Variants in SSBP2 observed in about 807,000 individuals in gnomAD.
SSBP2 encodes the protein single-stranded DNA-binding protein 2.
A neutral mutation model predicts 61.8 loss-of-function variants in SSBP2; 17 were observed. That is an observed-to-expected ratio of 0.28 (90% confidence interval 0.19 to 0.41). The LOEUF is 0.41. SSBP2 is among the 10% of genes least tolerant of loss of function. The pLI, the probability that SSBP2 is intolerant of heterozygous loss-of-function variation, is 1.00. For missense variants in SSBP2, 310 were observed against 458.7 expected, an observed-to-expected ratio of 0.68 and a Z score of 2.96; for synonymous variants, 139 against 141.3, an observed-to-expected ratio of 0.98 and a Z score of 0.12.
At chr5:81,654,575 C>A (rs931334877) in intron 1 of SSBP2, among the ~76,000 whole-genome samples, 3 of 152,188 alleles carry the variant, frequency 2.0e-5, no homozygotes, top group African/African-American at 7.2e-5. Context: ...TCTGGAGGAA[C>A]CACCAGGAGT....
At position 81,575,639 on chromosome 5, in the gene SSBP2, A is replaced by G. The variant is rs577705238; in HGVS notation, c.282+39834T>C. Among the ~76,000 whole-genome samples the G allele has an allele frequency of 1.4e-4, 22 of 152,292 alleles. No homozygotes were observed. The East Asian group carries it at 3.7e-3, about 25-fold the overall frequency. ...AGAAAATGAGAAGAATACATAGAAA[A>G]TAGTAAAACCATAGATTTAAACCCA... On this transcript the variant is annotated intron_variant, in intron 4 of 16. Transcript: ENST00000320672.
intron 1 of SSBP2, among the ~76,000 whole-genome samples, chr5:81,683,743 A>G (rs1181167847): frequency 6.6e-6 from 1 of 152,230 alleles, no homozygotes; most frequent in Non-Finnish European, 1.5e-5. Context: ...TTGATCCAAA[A>G]TAAGCAAAGA....
intron 1 of SSBP2, among the ~76,000 whole-genome samples, chr5:81,684,634 A>G (rs1470823262): frequency 1.3e-5 from 2 of 152,130 alleles, no homozygotes; most frequent in African/African-American, 4.8e-5. Flanking sequence ...CATGGGGCCT[A>G]TAGTCCTTTT....
intron 6 of SSBP2, among the ~76,000 whole-genome samples, chr5:81,483,680 G>A (rs973845265): frequency 2.0e-5 from 3 of 151,882 alleles, no homozygotes; most frequent in Admixed American, 6.6e-5. Context: ...CCTCTAAAAC[G>A]ACAATATCAA....
chr5:81,582,987 A>G (rs1774774967), intron 4 of SSBP2, among the ~76,000 whole-genome samples: 1 of 152,136 alleles, frequency 6.6e-6, no homozygotes, highest in Non-Finnish European at 1.5e-5. Flanking sequence ...TTGGGAGGCC[A>G]AGGCAGGAAG....
intron 5 of SSBP2, among the ~76,000 whole-genome samples, chr5:81,506,231 A>T (rs576335113): frequency 2.0e-5 from 3 of 152,200 alleles, no homozygotes; most frequent in Admixed American, 6.5e-5. Flanking sequence ...AAGATACAAA[A>T]TTATATTTTT....
intron 1 of SSBP2, among the ~76,000 whole-genome samples, chr5:81,693,862 AAG>A (rs1753399534): frequency 6.6e-6 from 1 of 152,234 alleles, no homozygotes; most frequent in Non-Finnish European, 1.5e-5. Flanking sequence ...CAGTATATTG[AAG>A]AGATACCTGC....
At chr5:81,463,165 C>T (rs1390935322) in intron 9 of SSBP2, among the ~76,000 whole-genome samples, 1 of 152,008 alleles carries the variant, frequency 6.6e-6, no homozygotes, top group Non-Finnish European at 1.5e-5. Flanking sequence ...AGTTAAATTT[C>T]TCCTAACATT....
chr5:81,701,041 G>A (rs1156566818), intron 1 of SSBP2, among the ~76,000 whole-genome samples: 2 of 151,056 alleles, frequency 1.3e-5, no homozygotes, highest in East Asian at 1.9e-4. Context: ...TTGGCACAAG[G>A]GGCCTAGCTT....
intron 4 of SSBP2, among the ~76,000 whole-genome samples, chr5:81,518,535 T>G (rs1188903309): frequency 6.6e-6 from 1 of 152,152 alleles, no homozygotes; most frequent in African/African-American, 2.4e-5. Context: ...GCCTTAATCT[T>G]GGACTTTCCT....
In SSBP2 at chr5:81,750,972, G is replaced by A; in HGVS notation, c.62+9C>T. 6.3e-7 allele frequency: 1 copy of A among 1,589,594 alleles called. No individual in the cohort carries two copies. Among genetic ancestry groups the A allele is most frequent in the South Asian group, 1.1e-5 (1 of 87,318 alleles). Reference sequence around the variant, plus strand: ...AAGGCGGAGGTGGGTGAGAAGCGGAGACACTTACTTCTCCCGGGCCTGGCT... The same window carrying A: ...AAGGCGGAGGTGGGTGAGAAGCGGAAACACTTACTTCTCCCGGGCCTGGCT... On this transcript the variant is annotated intron_variant, in intron 1 of 16. Transcript: ENST00000320672.
chr5:81,633,141 A>C (rs1209327161), intron 3 of SSBP2, among the ~76,000 whole-genome samples: 3 of 101,812 alleles, frequency 2.9e-5, no homozygotes. Flanking sequence ...TTTTTGAGAG[A>C]GTCTCACTCT....
chr5:81,421,365 G>A (rs955992245), intron 16 of SSBP2, among the ~76,000 whole-genome samples: 1 of 151,998 alleles, frequency 6.6e-6, no homozygotes, highest in Non-Finnish European at 1.5e-5. Context: ...GCTAATTTTT[G>A]TATTTTTTGT....
chr5:81,735,201 TACA>T (rs1756520578), intron 1 of SSBP2, among the ~76,000 whole-genome samples: 1 of 152,160 alleles, frequency 6.6e-6, no homozygotes, highest in Non-Finnish European at 1.5e-5. Flanking sequence ...CTTTGATAAC[TACA>T]ACAAAAAATA....
At chr5:81,521,930 G>C (rs575322082) in intron 4 of SSBP2, among the ~76,000 whole-genome samples, 1 of 152,028 alleles carries the variant, frequency 6.6e-6, no homozygotes, top group Non-Finnish European at 1.5e-5. Flanking sequence ...GATTTTTACA[G>C]TTTATTGGTA....
At chr5:81,635,422 T>C (rs1187095638) in intron 3 of SSBP2, among the ~76,000 whole-genome samples, 4 of 152,120 alleles carry the variant, frequency 2.6e-5, no homozygotes, top group African/African-American at 9.7e-5. Flanking sequence ...GATTGACCTA[T>C]TACATAAAAG....
intron 1 of SSBP2, among the ~76,000 whole-genome samples, chr5:81,679,489 T>G (rs973302460): frequency 2.6e-5 from 4 of 152,226 alleles, no homozygotes; most frequent in Non-Finnish European, 5.9e-5. Flanking sequence ...GTACTTACAC[T>G]AACCATATAG....
At chr5:81,474,692 A>G in intron 6 of SSBP2, 130 bp from the exon 7 acceptor site, 1 of 631,752 alleles carries the variant, frequency 1.6e-6, no homozygotes, top group Non-Finnish European at 2.5e-6. Flanking sequence ...AAGATTTCTT[A>G]TATTTCACAT....
Position 81,739,397 on chromosome 5 carries a change from G to A in SSBP2, c.62+11584C>T, listed in dbSNP as rs115818186. ...CCATCTTCCACTTTGACTAATGCTAGCCTTTCAATAAACATCCTCTTAGAA... is the reference window on the plus strand; with the variant it reads ...CCATCTTCCACTTTGACTAATGCTAACCTTTCAATAAACATCCTCTTAGAA... On this transcript the variant is annotated intron_variant, in intron 1 of 16. Transcript: ENST00000320672. Among the ~76,000 whole-genome samples the A allele has an allele frequency of 4.9e-3, 748 of 152,130 alleles. 4 individuals are homozygous for A. The highest frequency in any genetic ancestry group is 0.017 in the African/African-American group (693 of 41,490).
Sources: allele counts gnomAD v4.1 joint callset (sites outside exome capture counted in the v4.1 genomes callset), GRCh38; gene constraint gnomAD v4.1.1; transcripts MANE v1.5; gene names NCBI Gene and HGNC (gene_info 2026-07-23, HGNC 2026-07-21).